Variants in PTPRT observed in about 807,000 individuals in gnomAD.
PTPRT encodes the protein receptor-type tyrosine-protein phosphatase T.
Under a neutral mutation model 176.8 loss-of-function variants are expected in PTPRT, and 56 were observed. The ratio of observed to expected loss-of-function variants is 0.32; its 90% CI spans 0.26 to 0.40. The LOEUF is 0.40. PTPRT is among the 10% of genes least tolerant of loss of function. The probability of loss-of-function intolerance (pLI) is 1.00; values close to 1 mark genes in which losing one functional copy is unlikely to be tolerated. For synonymous variants in PTPRT, 783 were observed against 739.0 expected (o/e 1.06, Z -0.96); for missense variants, 1,540 against 1,908.2 (o/e 0.81, Z 3.60).
At chr20:42,299,129 A>G (rs2057424892) in intron 12 of PTPRT, among the ~76,000 whole-genome samples, 1 of 151,888 alleles carries the variant, frequency 6.6e-6, no homozygotes, top group South Asian at 2.1e-4. Flanking sequence ...CCAACAGGGG[A>G]TGGTAGAGGT....
intron 2 of PTPRT, among the ~76,000 whole-genome samples, chr20:42,843,759 T>G (rs1036483397): frequency 6.6e-6 from 1 of 152,222 alleles, no homozygotes; most frequent in African/African-American, 2.4e-5. Context: ...AAGCCATCTC[T>G]GGCTGAATTC....
intron 1 of PTPRT, among the ~76,000 whole-genome samples, chr20:42,983,808 T>C (rs969410981): frequency 6.6e-6 from 1 of 152,242 alleles, no homozygotes; most frequent in Admixed American, 6.5e-5. Context: ...CCTAATGTTT[T>C]GTGTATAGGC....
chr20:43,157,782 C>A (rs1461880290), intron 1 of PTPRT, among the ~76,000 whole-genome samples: 1 of 152,128 alleles, frequency 6.6e-6, no homozygotes, highest in Non-Finnish European at 1.5e-5. Flanking sequence ...TAGGGAAGAA[C>A]AAGTAGAGCA....
intron 1 of PTPRT, among the ~76,000 whole-genome samples, chr20:43,101,992 A>G (rs150105757): frequency 3.3e-5 from 5 of 152,330 alleles, no homozygotes; most frequent in African/African-American, 9.6e-5. Context: ...GTAAAGACCT[A>G]TTCATCATAG....
At chr20:42,609,311 C>T (rs1018328428) in intron 7 of PTPRT, among the ~76,000 whole-genome samples, 14 of 152,072 alleles carry the variant, frequency 9.2e-5, no homozygotes, top group Non-Finnish European at 1.5e-4. Context: ...TGACCGCAAA[C>T]GATCCGCCCG....
At chr20:42,055,380 A>G in the PTPRT span, among the ~76,000 whole-genome samples, 5 of 152,336 alleles carry the variant, frequency 3.3e-5, no homozygotes, top group South Asian at 2.1e-4. Context: ...GCTGACTAAC[A>G]TGGATATTAC....
intron 11 of PTPRT, among the ~76,000 whole-genome samples, chr20:42,334,923 T>A (rs1376812923): frequency 1.3e-5 from 2 of 152,184 alleles, no homozygotes; most frequent in Non-Finnish European, 2.9e-5. Context: ...ATCTCCTCAC[T>A]GTTATTGCAG....
At chr20:42,926,085 G>A (rs1326806011) in intron 1 of PTPRT, among the ~76,000 whole-genome samples, 25 of 152,304 alleles carry the variant, frequency 1.6e-4, no homozygotes, top group Admixed American at 1.6e-3. Context: ...CCACTGACTC[G>A]GGGCTGCCTC....
intron 7 of PTPRT, among the ~76,000 whole-genome samples, chr20:42,506,340 T>C (rs924948243): frequency 1.3e-5 from 2 of 152,196 alleles, no homozygotes; most frequent in African/African-American, 4.8e-5. Flanking sequence ...TGGTTTCTCA[T>C]CCACACACTT....
chr20:42,085,065 CCTG>C (rs1231962816), intron 28 of PTPRT, among the ~76,000 whole-genome samples: 2 of 152,148 alleles, frequency 1.3e-5, no homozygotes, highest in African/African-American at 4.8e-5. Context: ...CTGAAAAACT[CCTG>C]CTCAGCCTTC....
chr20:43,123,925 A>C (rs2013355059), intron 1 of PTPRT, among the ~76,000 whole-genome samples: 1 of 152,252 alleles, frequency 6.6e-6, no homozygotes, highest in Non-Finnish European at 1.5e-5. Context: ...TTTGTGAGAC[A>C]CAAATATTAC....
intron 1 of PTPRT, among the ~76,000 whole-genome samples, chr20:42,924,178 C>G (rs1161932102): frequency 6.6e-6 from 1 of 152,150 alleles, no homozygotes; most frequent in Admixed American, 6.5e-5. Flanking sequence ...TTAATACATG[C>G]TATGAACTCT....
intron 12 of PTPRT, among the ~76,000 whole-genome samples, chr20:42,311,795 C>A (rs890358777): frequency 2.4e-4 from 37 of 151,362 alleles, no homozygotes; most frequent in African/African-American, 8.7e-4. Flanking sequence ...CTTCATTTTT[C>A]TTCGTTGACT....
rs1983713770 is a variant in PTPRT at position 42,084,822 on chromosome 20, G to A, written c.3996C>T (p.Val1332=). Residue 1332 remains valine, a synonymous_variant, in exon 29 of 31, where the codon GTC becomes GTT. Coordinates refer to ENST00000373187, the MANE Select transcript of PTPRT (RefSeq NM_007050.6). Reference sequence around the variant, plus strand: ...GCCAGCCAATGTACTGGAGGTGCTGGACTATACGATAACCATCCTGTGGCT... The same window carrying A: ...GCCAGCCAATGTACTGGAGGTGCTGAACTATACGATAACCATCCTGTGGCT... ...MARPQDGYRI[V]QHLQYIGWPA... The A allele has an allele frequency of 6.7e-7, 1 of 1,490,068 alleles. No individual in the cohort carries two copies. Among genetic ancestry groups the A allele is most frequent in the Non-Finnish European group, 9.0e-7 (1 of 1,109,388 alleles). 92.3% of individuals were successfully genotyped at this position (1,490,068 alleles called of 1,614,324 possible).
At chr20:42,942,696 C>T (rs1168733094) in intron 1 of PTPRT, among the ~76,000 whole-genome samples, 1 of 152,180 alleles carries the variant, frequency 6.6e-6, no homozygotes, top group Admixed American at 6.5e-5. Context: ...CCTATCTTCA[C>T]TAACTGTGGC....
At chr20:42,195,093 C>T (rs567859408) in intron 16 of PTPRT, among the ~76,000 whole-genome samples, 1 of 152,170 alleles carries the variant, frequency 6.6e-6, no homozygotes, top group South Asian at 2.1e-4. Flanking sequence ...CAACATGGTA[C>T]ATGTATACAT....
chr20:42,846,286 A>C (rs954487723), intron 2 of PTPRT, among the ~76,000 whole-genome samples: 14 of 152,198 alleles, frequency 9.2e-5, no homozygotes, highest in Admixed American at 9.2e-4. Flanking sequence ...GGCTGCAGTT[A>C]CAAGGCTTAT....
At chr20:42,169,981 T>C (rs1600625917) in intron 16 of PTPRT, among the ~76,000 whole-genome samples, 1 of 152,298 alleles carries the variant, frequency 6.6e-6, no homozygotes, top group East Asian at 1.9e-4. Flanking sequence ...AAATCTTTTA[T>C]ATGATATGGG....
chr20:43,122,712 A>G (rs1426701355), intron 1 of PTPRT, among the ~76,000 whole-genome samples: 1 of 152,172 alleles, frequency 6.6e-6, no homozygotes, highest in Non-Finnish European at 1.5e-5. Context: ...TTCACCTTCC[A>G]ACATGATTGT....
Sources: allele counts gnomAD v4.1 joint callset (sites outside exome capture counted in the v4.1 genomes callset), GRCh38; gene constraint gnomAD v4.1.1; transcripts MANE v1.5; gene names NCBI Gene and HGNC (gene_info 2026-07-23, HGNC 2026-07-21).